NTAQ1: variants seen among roughly 807,000 people sequenced by gnomAD.
The protein encoded by NTAQ1 is N-terminal glutamine amidase 1.
NTAQ1 carries 21 observed loss-of-function variants against 28.2 expected under a neutral mutation model. The observed-to-expected ratio is 0.74, with a 90% CI of 0.53 to 1.07. The LOEUF (loss-of-function observed/expected upper bound fraction) is 1.07, where lower values mean the gene tolerates loss of function less well. Ranked by LOEUF, NTAQ1 falls within the 50% of genes least tolerant of loss-of-function variation. The pLI is 0.00. For synonymous variants in NTAQ1, 105 were observed against 90.0 expected, an observed-to-expected ratio of 1.17 and a Z score of -0.94; for missense variants, 264 against 256.6, an observed-to-expected ratio of 1.03 and a Z score of -0.20.
At chr8:123,437,375 C>A in intron 5 of NTAQ1, 41 bp downstream of exon 5, 2 of 1,608,424 alleles carry the variant, frequency 1.2e-6, no homozygotes, top group South Asian at 1.1e-5. Context: ...TCTGATTGAT[C>A]ACATACACAT....
chr8:123,457,197 G>A (rs1815673778), intron 6 of NTAQ1, among the ~76,000 whole-genome samples: 1 of 152,104 alleles, frequency 6.6e-6, no homozygotes, highest in African/African-American at 2.4e-5. Context: ...CTACCAAGTA[G>A]CTGGGATTAC....
intron 6 of NTAQ1, among the ~76,000 whole-genome samples, chr8:123,466,275 G>A (rs1192577521): frequency 6.6e-6 from 1 of 152,174 alleles, no homozygotes; most frequent in African/African-American, 2.4e-5. Context: ...GTGCCACTCA[G>A]AAGCCAATTA....
intron 1 of NTAQ1, among the ~76,000 whole-genome samples, chr8:123,422,720 G>A (rs1025193051): frequency 6.6e-6 from 1 of 151,170 alleles, no homozygotes; most frequent in Non-Finnish European, 1.5e-5. Context: ...TCTTTGCCAG[G>A]GCCTATGTCT....
downstream of NTAQ1, among the ~76,000 whole-genome samples, chr8:123,451,138 T>G (rs1417017976): frequency 6.6e-6 from 1 of 152,194 alleles, no homozygotes; most frequent in African/African-American, 2.4e-5. Context: ...CTGTTTACCC[T>G]GATCTGACCC....
At chr8:123,418,066 G>A (rs1403800162) in intron 1 of NTAQ1, among the ~76,000 whole-genome samples, 3 of 152,198 alleles carry the variant, frequency 2.0e-5, no homozygotes, top group Non-Finnish European at 4.4e-5. Context: ...GGCACTTGGA[G>A]TATGTGGCAT....
At position 123,441,311 on chromosome 8, in the gene NTAQ1, A is replaced by G. The variant is rs769560639; in HGVS notation, c.514A>G (p.Lys172Glu). ...TTTTTCATATATTTTTTTAGATTCC[A>G]AAATGAACCTGAACGATTTCATCAG... is the stretch of plus-strand genomic sequence containing the variant. ...PYPCIETGDS[K>E]MNLNDFISMD... Residue 172 changes from lysine to glutamate, a missense_variant, in exon 6 of 6, where the codon AAA becomes GAA. Lys to Glu is a moderately conservative substitution (Grantham distance 56, BLOSUM62 1). Coordinates refer to ENST00000287387, the MANE Select transcript of NTAQ1 (RefSeq NM_018024.3). 3.7e-6 allele frequency: 6 copies of G among 1,602,868 alleles called. No individual in the cohort carries two copies. The highest frequency in any genetic ancestry group is 5.1e-6 in the Non-Finnish European group (6 of 1,174,936).
At chr8:123,425,471 C>CTT (rs74275579) in intron 1 of NTAQ1, among the ~76,000 whole-genome samples, 1 of 143,254 alleles carries the variant, frequency 7.0e-6, no homozygotes, top group Non-Finnish European at 1.5e-5. Context: ...CACCCCCCCA[C>CTT]TTTTTTTTTT....
At chr8:123,430,484 A>T (rs1429926457) in intron 3 of NTAQ1, among the ~76,000 whole-genome samples, 1 of 152,228 alleles carries the variant, frequency 6.6e-6, no homozygotes, top group Non-Finnish European at 1.5e-5. Context: ...TCTAATAATA[A>T]TACAAATATT....
chr8:123,445,607 T>A (rs4006521), downstream of NTAQ1, among the ~76,000 whole-genome samples: 54,990 of 151,860 alleles, frequency 0.36, 10,069 homozygotes, highest in East Asian at 0.56. Flanking sequence ...AAAAATTTTT[T>A]AAGTTTTTTG....
At chr8:123,437,827 G>A (rs1249162058) in intron 5 of NTAQ1, among the ~76,000 whole-genome samples, 1 of 151,872 alleles carries the variant, frequency 6.6e-6, no homozygotes, top group Non-Finnish European at 1.5e-5. Context: ...AGGACTGGAA[G>A]GCATAAGAAC....
intron 1 of NTAQ1, among the ~76,000 whole-genome samples, chr8:123,419,203 A>G (rs1314939578): frequency 1.4e-5 from 2 of 147,456 alleles, no homozygotes; most frequent in African/African-American, 5.0e-5. Context: ...GGCTCAAGCC[A>G]TTCTTCTGCC....
intron 1 of NTAQ1, among the ~76,000 whole-genome samples, chr8:123,426,211 T>C (rs1309965259): frequency 6.6e-6 from 1 of 152,204 alleles, no homozygotes; most frequent in Non-Finnish European, 1.5e-5. Context: ...GCAGCTCAGT[T>C]ACTGCTCTGT....
downstream of NTAQ1, among the ~76,000 whole-genome samples, chr8:123,473,359 G>A (rs1010112446): frequency 4.6e-5 from 7 of 150,676 alleles, no homozygotes; most frequent in East Asian, 1.2e-3. Flanking sequence ...GCAGTGGCGC[G>A]ATCTTGGCTC....
chr8:123,464,643 A>C (rs1447974374), intron 6 of NTAQ1, among the ~76,000 whole-genome samples: 1 of 152,204 alleles, frequency 6.6e-6, no homozygotes, highest in African/African-American at 2.4e-5. Flanking sequence ...GTTGAGAAAT[A>C]TGTAACTGGC....
chr8:123,416,727 T>A, upstream of NTAQ1: 1 of 751,536 alleles, frequency 1.3e-6, no homozygotes, highest in Non-Finnish European at 1.8e-6. Flanking sequence ...GCCCCGGCCC[T>A]CTCCCCCCGG....
downstream of NTAQ1, among the ~76,000 whole-genome samples, chr8:123,473,706 T>G (rs2130452104): frequency 6.6e-6 from 1 of 152,340 alleles, no homozygotes; most frequent in Non-Finnish European, 1.5e-5. Context: ...GGTTTCTATT[T>G]GGTCTCTTTC....
At chr8:123,443,058 C>T (rs939046301), downstream of NTAQ1, among the ~76,000 whole-genome samples, 7 of 151,646 alleles carry the variant, frequency 4.6e-5, no homozygotes, top group African/African-American at 1.7e-4. Flanking sequence ...CTCACTCTGT[C>T]GCCCAGGCTG....
chr8:123,420,512 A>G (rs2130134709), intron 1 of NTAQ1, among the ~76,000 whole-genome samples: 1 of 152,044 alleles, frequency 6.6e-6, no homozygotes, highest in East Asian at 1.9e-4. Context: ...ACAGTGGCTT[A>G]ACTAATTTAC....
At chr8:123,458,365 G>A (rs893867058) in intron 6 of NTAQ1, among the ~76,000 whole-genome samples, 3 of 151,784 alleles carry the variant, frequency 2.0e-5, no homozygotes, top group Non-Finnish European at 2.9e-5. Context: ...ATACCGCTCC[G>A]AGCCTGTTTG....
Sources: allele counts gnomAD v4.1 joint callset (sites outside exome capture counted in the v4.1 genomes callset), GRCh38; gene constraint gnomAD v4.1.1; transcripts MANE v1.5; gene names NCBI Gene and HGNC (gene_info 2026-07-23, HGNC 2026-07-21).